Variants in PAX7 observed in about 807,000 individuals in gnomAD.
PAX7 encodes paired box protein Pax-7.
Under a neutral mutation model 50.7 loss-of-function variants are expected in PAX7, and 18 were observed. That is an observed-to-expected ratio of 0.36 (90% confidence interval 0.25 to 0.53). PAX7 has a LOEUF of 0.53. Ranked by LOEUF, PAX7 falls within the 20% of genes least tolerant of loss-of-function variation. The probability of loss-of-function intolerance (pLI) is 0.93; values close to 1 mark genes in which losing one functional copy is unlikely to be tolerated. For synonymous variants in PAX7, 310 were observed against 290.4 expected, an observed-to-expected ratio of 1.07 and a Z score of -0.69; for missense variants, 644 against 702.9, an observed-to-expected ratio of 0.92 and a Z score of 0.95.
chr1:18,722,429 T>C (rs1408394920), intron 7 of PAX7, among the ~76,000 whole-genome samples: 1 of 152,194 alleles, frequency 6.6e-6, no homozygotes, highest in African/African-American at 2.4e-5. Flanking sequence ...CTCTTGTTTG[T>C]TTGGTACGTC....
At chr1:18,675,905 A>G (rs2088816039) in intron 4 of PAX7, among the ~76,000 whole-genome samples, 1 of 152,184 alleles carries the variant, frequency 6.6e-6, no homozygotes, top group Admixed American at 6.5e-5. Flanking sequence ...TGATCAGGGC[A>G]GGTGACAGCC....
intron 4 of PAX7, among the ~76,000 whole-genome samples, chr1:18,661,272 T>C (rs776148769): frequency 1.4e-4 from 21 of 152,160 alleles, no homozygotes; most frequent in Non-Finnish European, 3.1e-4. Context: ...ATAGGGGCTG[T>C]GGGAGAGTCC....
chr1:18,657,768 C>G (rs538166893), intron 4 of PAX7, among the ~76,000 whole-genome samples: 1 of 152,236 alleles, frequency 6.6e-6, no homozygotes, highest in Non-Finnish European at 1.5e-5. Flanking sequence ...TCTCTCCTCT[C>G]TCTCTCCCCT....
intron 4 of PAX7, among the ~76,000 whole-genome samples, chr1:18,682,390 G>A (rs1340955864): frequency 6.6e-6 from 1 of 152,206 alleles, no homozygotes; most frequent in African/African-American, 2.4e-5. Flanking sequence ...TCAGCATGGA[G>A]GAGTCTTGCC....
intron 4 of PAX7, among the ~76,000 whole-genome samples, chr1:18,674,154 T>C (rs11578072): frequency 0.032 from 4,846 of 152,312 alleles, 239 homozygotes; most frequent in African/African-American, 0.11. Context: ...GTTGAGCAAT[T>C]ACCATGGGCC....
intron 7 of PAX7, among the ~76,000 whole-genome samples, chr1:18,728,398 G>T (rs1345928614): frequency 1.3e-5 from 2 of 152,058 alleles, no homozygotes; most frequent in African/African-American, 4.8e-5. Flanking sequence ...TGTAATGTGT[G>T]TGTCTTCCTG....
At position 18,636,131 on chromosome 1, in the gene PAX7, T is replaced by C. The variant is rs1002582037; in HGVS notation, c.452-106T>C. 8.7e-7 allele frequency: 1 copy of C among 1,153,712 alleles called. No individual in the cohort carries two copies. Among genetic ancestry groups the C allele is most frequent in the Non-Finnish European group, 1.3e-6 (1 of 792,584 alleles). 71.5% of individuals were successfully genotyped at this position (1,153,712 alleles called of 1,614,324 possible). On this transcript the variant is annotated intron_variant, in intron 3 of 8. Coordinates refer to ENST00000420770, the MANE Select transcript of PAX7 (RefSeq NM_001135254.2). This position sits in a 1 kb window ranked among gnomAD's most constrained non-coding sequence, Gnocchi z 5.1. Reference sequence around the variant, plus strand: ...TGTGGAAGAGGGATGAATGGATATCTGTAAGGAAGCAGGGGGCTTCCTGAC... The same window carrying C: ...TGTGGAAGAGGGATGAATGGATATCCGTAAGGAAGCAGGGGGCTTCCTGAC...
intron 4 of PAX7, among the ~76,000 whole-genome samples, chr1:18,654,794 C>A (rs1357745539): frequency 6.6e-6 from 1 of 152,206 alleles, no homozygotes; most frequent in Non-Finnish European, 1.5e-5. Context: ...ACAGGTTTTA[C>A]TAATCCCATT....
chr1:18,732,110 G>C (rs1033579289), intron 7 of PAX7, among the ~76,000 whole-genome samples: 1 of 152,142 alleles, frequency 6.6e-6, no homozygotes, highest in Non-Finnish European at 1.5e-5. Context: ...TGTTCTTTCT[G>C]GTCTTGCTGG....
At chr1:18,648,541 C>T (rs1261837229) in intron 4 of PAX7, among the ~76,000 whole-genome samples, 3 of 151,950 alleles carry the variant, frequency 2.0e-5, no homozygotes, top group Non-Finnish European at 4.4e-5. Context: ...CAGGATTTTG[C>T]CACGTTGCCT....
At chr1:18,666,921 G>T (rs1050289695) in intron 4 of PAX7, among the ~76,000 whole-genome samples, 3 of 152,230 alleles carry the variant, frequency 2.0e-5, no homozygotes, top group Middle Eastern at 3.4e-3. Flanking sequence ...CAGACTGCTT[G>T]GTGGTGGGGG....
At chr1:18,730,929 G>A (rs1232682163) in intron 7 of PAX7, among the ~76,000 whole-genome samples, 5 of 152,060 alleles carry the variant, frequency 3.3e-5, no homozygotes, top group South Asian at 4.2e-4. Flanking sequence ...GGGCCGTGGC[G>A]GGTGGGGGGA....
Position 18,636,910 on chromosome 1 carries a change from G to A in PAX7, c.586+539G>A, listed in dbSNP as rs1167677800. ...CGCTGCAATCAATAAAAATTAGCCAGGGCCGCCGCCTGACTCAGCCCCGCG... is the reference window on the plus strand; with the variant it reads ...CGCTGCAATCAATAAAAATTAGCCAAGGCCGCCGCCTGACTCAGCCCCGCG... On this transcript the variant is annotated intron_variant, in intron 4 of 8. Coordinates refer to ENST00000420770, the MANE Select transcript of PAX7 (RefSeq NM_001135254.2). This position sits in a 1 kb window ranked among gnomAD's most constrained non-coding sequence, Gnocchi z 5.1. Among the ~76,000 whole-genome samples, 1 of 152,166 alleles carries A rather than the reference G, an allele frequency of 6.6e-6. No individual in the cohort carries two copies.
chr1:18,666,968 G>A (rs1022837978), intron 4 of PAX7, among the ~76,000 whole-genome samples: 23 of 149,154 alleles, frequency 1.5e-4, no homozygotes, highest in Middle Eastern at 3.4e-3. Flanking sequence ...CTGAGGGAGT[G>A]GGGGTCCTCT....
chr1:18,639,695 T>A (rs1030886498), intron 4 of PAX7, among the ~76,000 whole-genome samples: 3 of 151,946 alleles, frequency 2.0e-5, no homozygotes, highest in Admixed American at 1.3e-4. Flanking sequence ...TTGATAGGGG[T>A]TTGCAATGGG....
intron 4 of PAX7, among the ~76,000 whole-genome samples, chr1:18,641,112 TAAAC>T (rs958252520): frequency 1.3e-5 from 2 of 152,204 alleles, no homozygotes; most frequent in Non-Finnish European, 1.5e-5. Flanking sequence ...CCGCGGTAAA[TAAAC>T]AAAGTCTGCA....
intron 7 of PAX7, among the ~76,000 whole-genome samples, chr1:18,733,595 G>A (rs779525643): frequency 1.3e-5 from 2 of 152,154 alleles, no homozygotes; most frequent in Non-Finnish European, 2.9e-5. Context: ...AAAGGTGGAG[G>A]AGGGGAGACC....
chr1:18,724,060 C>G (rs1163487916), intron 7 of PAX7, among the ~76,000 whole-genome samples: 1 of 152,242 alleles, frequency 6.6e-6, no homozygotes, highest in Admixed American at 6.5e-5. Flanking sequence ...CCAGGGTTCT[C>G]CCGGCTCAGG....
intron 3 of PAX7, 47 bp downstream of exon 3, chr1:18,635,287 G>C (rs1416000385): frequency 5.6e-6 from 9 of 1,607,556 alleles, no homozygotes; most frequent in Non-Finnish European, 7.7e-6. Context: ...GTGTGGCCAG[G>C]GGTCCAGTGT....
Sources: allele counts gnomAD v4.1 joint callset (sites outside exome capture counted in the v4.1 genomes callset), GRCh38; gene constraint gnomAD v4.1.1; non-coding constraint Gnocchi (gnomAD v3.1); transcripts MANE v1.5; gene names NCBI Gene and HGNC (gene_info 2026-07-23, HGNC 2026-07-21).